Variants in MORN3 observed in about 807,000 individuals in gnomAD.
The protein encoded by MORN3 is MORN repeat-containing protein 3.
In MORN3, 38 loss-of-function variants were observed where a neutral mutation model predicts 34.7. The observed-to-expected ratio is 1.10, with a 90% CI of 0.85 to 1.44. The LOEUF (loss-of-function observed/expected upper bound fraction) is 1.44, where lower values mean the gene tolerates loss of function less well. Ranked by LOEUF, MORN3 falls within the 40% of genes most tolerant of loss-of-function variation. MORN3 has a pLI of 0.00. For synonymous variants in MORN3, 109 were observed against 115.3 expected, an observed-to-expected ratio of 0.95 and a Z score of 0.35; for missense variants, 311 against 321.7, an observed-to-expected ratio of 0.97 and a Z score of 0.25.
At chr12:121,665,610 C>G (rs1057263833) in intron 1 of MORN3, among the ~76,000 whole-genome samples, 1 of 150,792 alleles carries the variant, frequency 6.6e-6, no homozygotes, top group Non-Finnish European at 1.5e-5. Context: ...ACTGAAAATA[C>G]AAAAATTAGC....
chr12:121,660,432 A>G (rs1893548381), intron 1 of MORN3, among the ~76,000 whole-genome samples: 2 of 140,492 alleles, frequency 1.4e-5, no homozygotes. Flanking sequence ...GCTCACTGCA[A>G]CCTCCGCCTC....
intron 1 of MORN3, among the ~76,000 whole-genome samples, chr12:121,662,449 G>A (rs1484222820): frequency 6.6e-6 from 1 of 151,872 alleles, no homozygotes; most frequent in Non-Finnish European, 1.5e-5. Flanking sequence ...CTGGACGACA[G>A]AGCGAGACTG....
In MORN3 at chr12:121,669,428, C is replaced by T. The variant is rs772539433; in HGVS notation, c.56G>A (p.Arg19Gln). The change falls in exon 1 of 6, where the codon CGG (arginine) becomes CAG (glutamine). Residue 19 changes from arginine to glutamine, a missense_variant. Arg to Gln is a conservative substitution (Grantham distance 43). Transcript: ENST00000355329. ...CCGCAGGCCGTTCCTCTGGGCCTTCCGGTCCCACCCCTTCCACAGGGACTC... is the reference window on the plus strand; with the variant it reads ...CCGCAGGCCGTTCCTCTGGGCCTTCTGGTCCCACCCCTTCCACAGGGACTC... ...KSESLWKGWDRKAQRNGLRSQ... is the reference protein window; with the variant it reads ...KSESLWKGWDQKAQRNGLRSQ... The T allele has an allele frequency of 3.7e-6, 6 of 1,613,960 alleles. No homozygotes were observed. The highest frequency in any genetic ancestry group is 1.7e-5 in the Admixed American group (1 of 59,994).
At chr12:121,659,532 CTTTCTTTCTT>C (rs1893517979) in intron 1 of MORN3, among the ~76,000 whole-genome samples, 184 bp from the exon 2 acceptor site, 1 of 149,692 alleles carries the variant, frequency 6.7e-6, no homozygotes, top group Middle Eastern at 3.4e-3. Context: ...TTCTTTCTTT[CTTTCTTTCTT>C]TTTTTTTTTT....
chr12:121,653,910 C>T (rs1893325641), intron 3 of MORN3, among the ~76,000 whole-genome samples: 1 of 151,956 alleles, frequency 6.6e-6, no homozygotes, highest in Admixed American at 6.6e-5. Context: ...GCAACCATTA[C>T]CTCTATCTAG....
upstream of MORN3, among the ~76,000 whole-genome samples, chr12:121,669,833 T>TATATA (rs199792815): frequency 1.8e-3 from 189 of 103,652 alleles, no homozygotes; most frequent in South Asian, 0.014. Context: ...TATATATATA[T>TATATA]TTTTTTTTTT....
intron 2 of MORN3, among the ~76,000 whole-genome samples, chr12:121,656,507 G>C (rs76023889): frequency 4.0e-5 from 6 of 151,558 alleles, no homozygotes; most frequent in African/African-American, 1.5e-4. Flanking sequence ...TTATTATATA[G>C]TTTTATTTAT....
chr12:121,655,924 G>A (rs1029753485), intron 2 of MORN3, among the ~76,000 whole-genome samples: 3 of 151,988 alleles, frequency 2.0e-5, no homozygotes, highest in African/African-American at 7.2e-5. Context: ...CCAGCTACTC[G>A]GGAGGCTGAG....
chr12:121,669,372 A>G lies in MORN3; in HGVS notation c.112T>C (p.Tyr38His). 6.2e-7 allele frequency: 1 copy of G among 1,613,816 alleles called. No homozygotes were observed. Among genetic ancestry groups the G allele is most frequent in the South Asian group, 1.1e-5 (1 of 91,076 alleles). The change falls in exon 1 of 6, where the codon TAT becomes CAT. Residue 38 changes from tyrosine (Y) to histidine (H), a missense_variant. By Grantham distance (83) the Tyr-to-His change is moderately conservative. Coordinates refer to ENST00000355329, the MANE Select transcript of MORN3 (RefSeq NM_173855.5). The part of the protein sequence containing the change: ...SQVYAVNGDY[Y>H]VGEWKDNVKH... ...ACGTTGTCCTTCCACTCGCCCACAT[A>G]GTAGTCGCCATTCACAGCGTATACC...
At chr12:121,662,008 A>G (rs185845383) in intron 1 of MORN3, among the ~76,000 whole-genome samples, 1 of 152,146 alleles carries the variant, frequency 6.6e-6, no homozygotes, top group Admixed American at 6.6e-5. Context: ...GAAATAAGCC[A>G]AGCAGAGAAA....
chr12:121,671,855 G>A (rs1027339652), upstream of MORN3, among the ~76,000 whole-genome samples: 62 of 149,806 alleles, frequency 4.1e-4, no homozygotes, highest in African/African-American at 1.5e-3. Context: ...CACTCAGCCT[G>A]GGCAAAAAGA....
chr12:121,667,730 CTTTT>C (rs1206681304), intron 1 of MORN3, among the ~76,000 whole-genome samples: 1 of 138,820 alleles, frequency 7.2e-6, no homozygotes, highest in Non-Finnish European at 1.6e-5. Flanking sequence ...TTTTTTTTTT[CTTTT>C]TTTTTTGGAG....
At chr12:121,667,251 C>T (rs943422312) in intron 1 of MORN3, among the ~76,000 whole-genome samples, 55 of 149,246 alleles carry the variant, frequency 3.7e-4, no homozygotes, top group African/African-American at 5.9e-4. Context: ...CATAAGCGAC[C>T]GCGCCAGGAC....
At chr12:121,668,372 G>A (rs1219909305) in intron 1 of MORN3, among the ~76,000 whole-genome samples, 3 of 151,918 alleles carry the variant, frequency 2.0e-5, no homozygotes, top group Admixed American at 6.6e-5. Context: ...GAGAAACCCC[G>A]TCTTACTAAA....
chr12:121,663,166 A>T (rs1218749267), intron 1 of MORN3, among the ~76,000 whole-genome samples: 1 of 151,762 alleles, frequency 6.6e-6, no homozygotes, highest in African/African-American at 2.4e-5. Context: ...TATGCTAATT[A>T]CTTTGATTGT....
intron 2 of MORN3, among the ~76,000 whole-genome samples, chr12:121,655,711 AAAACAAAC>A (rs199944986): frequency 1.3e-5 from 2 of 151,216 alleles, no homozygotes; most frequent in Admixed American, 6.6e-5. Context: ...ACTGTCTCAA[AAAACAAAC>A]AAACAAACAA....
At chr12:121,657,459 C>A (rs1893445064) in intron 2 of MORN3, among the ~76,000 whole-genome samples, 1 of 152,182 alleles carries the variant, frequency 6.6e-6, no homozygotes, top group African/African-American at 2.4e-5. Context: ...AGCTTTGACT[C>A]CCTGTGATTT....
chr12:121,671,122 A>G (rs1330169089), upstream of MORN3, among the ~76,000 whole-genome samples: 1 of 148,478 alleles, frequency 6.7e-6, no homozygotes, highest in Non-Finnish European at 1.5e-5. Flanking sequence ...CAAAAAAAAA[A>G]AAAGACTGGG....
rs1850090709 is a variant in MORN3, at chr12:121,669,534, C to T, written c.-51G>A. 8.7e-6 allele frequency: 14 copies of T among 1,607,076 alleles called. No homozygotes were observed. Among genetic ancestry groups the T allele is most frequent in the Non-Finnish European group, 1.2e-5 (14 of 1,176,118 alleles). ...GGTGCTGGAAAGGGGTTAGGGACAT[C>T]TGGGGCTCAGCGCGCCCCGTGTAAT... On this transcript the variant is annotated 5_prime_UTR_variant, in exon 1 of 6. Transcript: ENST00000355329.
Sources: allele counts gnomAD v4.1 joint callset (sites outside exome capture counted in the v4.1 genomes callset), GRCh38; gene constraint gnomAD v4.1.1; transcripts MANE v1.5; gene names NCBI Gene and HGNC (gene_info 2026-07-23, HGNC 2026-07-21).